CSMD1: variants seen among roughly 807,000 people sequenced by gnomAD.
CSMD1 encodes the protein CUB and sushi domain-containing protein 1.
A neutral mutation model predicts 417.5 loss-of-function variants in CSMD1; 213 were observed. That is an observed-to-expected ratio of 0.51 (90% CI 0.46 to 0.57). The LOEUF (loss-of-function observed/expected upper bound fraction) is 0.57, where lower values mean the gene tolerates loss of function less well. CSMD1 is among the 20% of genes least tolerant of loss of function. The pLI is 0.00. For missense variants in CSMD1, 6,923 were observed against 4,529.7 expected (o/e 1.53, Z -15.17); for synonymous variants, 2,862 against 1,736.8 (o/e 1.65, Z -16.11).
intron 2 of CSMD1, among the ~76,000 whole-genome samples, chr8:4,574,262 G>A (rs112248929): frequency 1.1e-4 from 17 of 152,164 alleles, no homozygotes; most frequent in African/African-American, 1.9e-4. Context: ...GTAGGCATCT[G>A]AGGGAATTTC....
chr8:4,637,254 C>T, intron 2 of CSMD1, 88 bp downstream of exon 2: 1 of 1,202,142 alleles, frequency 8.3e-7, no homozygotes, highest in East Asian at 2.3e-5. Context: ...ACTCCGGACA[C>T]AATAATAAAA....
intron 9 of CSMD1, among the ~76,000 whole-genome samples, chr8:3,582,172 C>T (rs550191823): frequency 1.3e-5 from 2 of 152,146 alleles, no homozygotes; most frequent in Admixed American, 6.5e-5. Context: ...CCTGCTGTAC[C>T]GAACGTGTCA....
intron 12 of CSMD1, among the ~76,000 whole-genome samples, chr8:3,416,217 G>A (rs1178021411): frequency 1.3e-5 from 2 of 149,678 alleles, no homozygotes; most frequent in African/African-American, 2.5e-5. Flanking sequence ...CAGGAGAATG[G>A]TGTGAACCTA....
chr8:3,587,425 T>C (rs373260817), intron 8 of CSMD1, among the ~76,000 whole-genome samples: 156 of 152,272 alleles, frequency 1.0e-3, no homozygotes, highest in East Asian at 5.2e-3. Context: ...GGAAACAGAA[T>C]TGAAATAAGG....
chr8:4,930,724 T>C (rs1807189809), intron 1 of CSMD1, among the ~76,000 whole-genome samples: 1 of 152,204 alleles, frequency 6.6e-6, no homozygotes, highest in South Asian at 2.1e-4. Flanking sequence ...ATATAATTGT[T>C]ACTTTTAGAT....
chr8:3,985,800 G>T (rs1007038815), intron 5 of CSMD1, among the ~76,000 whole-genome samples: 1 of 149,516 alleles, frequency 6.7e-6, no homozygotes, highest in Non-Finnish European at 1.5e-5. Context: ...CTGTCGCCCA[G>T]ATTGGACAGG....
At chr8:3,269,291 C>T (rs570477573) in intron 26 of CSMD1, among the ~76,000 whole-genome samples, 1 of 152,310 alleles carries the variant, frequency 6.6e-6, no homozygotes, top group South Asian at 2.1e-4. Flanking sequence ...CTCTGCCAGT[C>T]CCATGAGGAA....
At position 4,659,614 on chromosome 8, in the gene CSMD1, G is replaced by A. The variant is rs77871814; in HGVS notation, c.86-22056C>T. ...ATCCATAGACACAGAAAACAGATTG[G>A]TGATTGCCAGAGTCTAGGCCATTTC... On this transcript the variant is annotated intron_variant, in intron 1 of 69. Transcript: ENST00000635120. Among the ~76,000 whole-genome samples the A allele has an allele frequency of 3.8e-3, 585 of 152,174 alleles. 2 individuals carry two copies. The highest frequency in any genetic ancestry group is 0.014 in the African/African-American group (564 of 41,528).
At chr8:3,199,901 C>G in intron 32 of CSMD1, 92 bp from the exon 33 acceptor site, 1 of 701,544 alleles carries the variant, frequency 1.4e-6, no homozygotes, top group Admixed American at 2.9e-5. Context: ...TGAAATTTCA[C>G]ATTTATTTTT....
chr8:3,181,896 A>G (rs1317848197), intron 36 of CSMD1, among the ~76,000 whole-genome samples: 1 of 152,224 alleles, frequency 6.6e-6, no homozygotes, highest in Non-Finnish European at 1.5e-5. Flanking sequence ...TGAGGAAAAG[A>G]AAATCGTTCA....
At position 4,031,845 on chromosome 8, in the gene CSMD1, A is replaced by T. The variant is rs1043191404; in HGVS notation, c.610+60T>A. 5 of 1,297,450 alleles carry T rather than the reference A, an allele frequency of 3.9e-6. No individual in the cohort carries two copies. In the East Asian group the frequency reaches 1.2e-4, roughly 32 times the overall value. 80.4% of individuals were successfully genotyped at this position (1,297,450 alleles called of 1,614,324 possible). A position where few individuals can be genotyped will look rare whatever the true frequency, so the allele number is the denominator to read the frequency against. On this transcript the variant is annotated intron_variant, in intron 4 of 69. Coordinates refer to ENST00000635120, the MANE Select transcript of CSMD1 (RefSeq NM_033225.6). ...TTTAAGTGGAAACTTTCATAAAAGC[A>T]TCTCCAAAACCATTGCCCTGCCCTG...
At chr8:3,078,277 C>T (rs913680946) in intron 49 of CSMD1, among the ~76,000 whole-genome samples, 2 of 152,186 alleles carry the variant, frequency 1.3e-5, no homozygotes, top group African/African-American at 4.8e-5. Flanking sequence ...CCACTGACTA[C>T]AATACTGCTT....
At chr8:3,537,091 C>T (rs1246380414) in intron 10 of CSMD1, among the ~76,000 whole-genome samples, 2 of 152,122 alleles carry the variant, frequency 1.3e-5, no homozygotes, top group Admixed American at 6.5e-5. Flanking sequence ...GCCACCTCCG[C>T]CTCCTGGGTT....
At chr8:4,445,482 G>C (rs936846247) in intron 2 of CSMD1, among the ~76,000 whole-genome samples, 7 of 152,128 alleles carry the variant, frequency 4.6e-5, no homozygotes, top group African/African-American at 1.4e-4. Flanking sequence ...GAAAGTCAAA[G>C]TCTTTGCTTT....
At chr8:4,418,362 T>C (rs753912894) in intron 3 of CSMD1, among the ~76,000 whole-genome samples, 1 of 152,136 alleles carries the variant, frequency 6.6e-6, no homozygotes, top group Non-Finnish European at 1.5e-5. Context: ...ATTTTCTTCA[T>C]TATACCATCA....
chr8:3,573,904 T>C (rs1366487978), intron 10 of CSMD1, among the ~76,000 whole-genome samples: 1 of 152,046 alleles, frequency 6.6e-6, no homozygotes, highest in Non-Finnish European at 1.5e-5. Context: ...GTGAAATCAA[T>C]ATGAAGATGT....
intron 1 of CSMD1, among the ~76,000 whole-genome samples, chr8:4,827,034 T>C (rs563587674): frequency 6.6e-6 from 1 of 152,060 alleles, no homozygotes; most frequent in Non-Finnish European, 1.5e-5. Flanking sequence ...TATGTTTGTA[T>C]CCATGGATGG....
intron 25 of CSMD1, 150 bp from the exon 26 acceptor site, chr8:3,284,496 A>G (rs1298794510): frequency 6.3e-6 from 4 of 637,526 alleles, no homozygotes; most frequent in African/African-American, 5.4e-5. Flanking sequence ...GGATGAGGAA[A>G]ATGAGGCTCA....
intron 2 of CSMD1, among the ~76,000 whole-genome samples, chr8:4,560,532 AAACCTCT>A (rs1167394081): frequency 2.0e-5 from 3 of 152,208 alleles, no homozygotes; most frequent in African/African-American, 7.2e-5. Context: ...GCATGCATGG[AAACCTCT>A]GCTACCTGTA....
Sources: gnomAD v4.1 joint callset for allele counts (sites outside exome capture counted in the v4.1 genomes callset) on GRCh38, gnomAD v4.1.1 for gene constraint, MANE v1.5 for transcripts, NCBI Gene and HGNC (gene_info 2026-07-23, HGNC 2026-07-21) for gene names.